Variants in FAM163A observed in about 807,000 individuals in gnomAD.
FAM163A encodes the protein protein FAM163A.
A neutral mutation model predicts 12.0 loss-of-function variants in FAM163A; 7 were observed. The ratio of observed to expected loss-of-function variants is 0.58; its 90% confidence interval spans 0.33 to 1.10. The LOEUF (loss-of-function observed/expected upper bound fraction) is 1.10, where lower values mean the gene tolerates loss of function less well. Among genes scored for constraint, FAM163A ranks in the 50% least tolerant of loss-of-function variants. The pLI is 0.03. For synonymous variants in FAM163A, 101 were observed against 91.0 expected (o/e 1.11, Z -0.62); for missense variants, 202 against 218.6 (o/e 0.92, Z 0.48).
At chr1:179,805,421 G>A (rs1693794137) in intron 1 of FAM163A, among the ~76,000 whole-genome samples, 1 of 152,088 alleles carries the variant, frequency 6.6e-6, no homozygotes, top group Non-Finnish European at 1.5e-5. Flanking sequence ...GAGAGGCTGA[G>A]GCATCCTGCC....
intron 1 of FAM163A, among the ~76,000 whole-genome samples, chr1:179,781,723 C>T (rs1384324208): frequency 6.6e-6 from 1 of 152,054 alleles, no homozygotes. Context: ...ATCACTAGTT[C>T]AGGAGTTCAA....
At chr1:179,769,643 C>T (rs919401400) in intron 1 of FAM163A, among the ~76,000 whole-genome samples, 2 of 152,136 alleles carry the variant, frequency 1.3e-5, no homozygotes, top group South Asian at 2.1e-4. Flanking sequence ...CTGCAGGCTG[C>T]GGGAACGGCA....
chr1:179,811,615 G>A (rs1156540264), intron 2 of FAM163A, among the ~76,000 whole-genome samples: 2 of 152,222 alleles, frequency 1.3e-5, no homozygotes. Context: ...ACACTGCCGG[G>A]CAGGTGCAGC....
intron 4 of FAM163A, 101 bp from the exon 5 acceptor site, chr1:179,813,678 T>C: frequency 1.5e-6 from 2 of 1,375,530 alleles, no homozygotes; most frequent in South Asian, 1.3e-5. Context: ...GGCACTAGGT[T>C]CTCCATGGAG....
At chr1:179,751,568 G>A (rs546534101) in intron 1 of FAM163A, among the ~76,000 whole-genome samples, 11 of 152,296 alleles carry the variant, frequency 7.2e-5, no homozygotes, top group South Asian at 2.1e-4. Flanking sequence ...GAGGCTGCAC[G>A]TATAAATAAG....
chr1:179,770,047 A>T lies in FAM163A; in HGVS notation c.-136+26624A>T, dbSNP rs187699230. On this transcript the variant is annotated intron_variant, in intron 1 of 4. Coordinates refer to ENST00000341785, the MANE Select transcript of FAM163A (RefSeq NM_173509.3). ...CATCCTCCCGAGTAGCTGGGACTAC[A>T]GGCGCCTGCCACCACGCCTGGCTAC... 1.2e-4 allele frequency among the ~76,000 whole-genome samples: 18 copies of T among 151,646 alleles called. No individual in the cohort carries two copies. The East Asian group carries it at 2.1e-3, about 18-fold the overall frequency.
intron 1 of FAM163A, among the ~76,000 whole-genome samples, chr1:179,805,665 C>T (rs1013988723): frequency 3.3e-5 from 5 of 152,156 alleles, no homozygotes; most frequent in Admixed American, 1.3e-4. Context: ...TGAGGTGGGC[C>T]CCCACACGTC....
At chr1:179,745,298 G>T (rs957055547) in intron 1 of FAM163A, among the ~76,000 whole-genome samples, 6 of 152,214 alleles carry the variant, frequency 3.9e-5, no homozygotes, top group Non-Finnish European at 7.3e-5. Context: ...GGCTCGTGCA[G>T]ATGAGAGCAG....
chr1:179,738,932 C>T (rs1198083812), upstream of FAM163A, among the ~76,000 whole-genome samples: 2 of 152,090 alleles, frequency 1.3e-5, no homozygotes, highest in African/African-American at 2.4e-5. Flanking sequence ...TATATAGCTT[C>T]AGTAATCAAG....
chr1:179,794,243 T>C (rs1310202492), intron 1 of FAM163A, among the ~76,000 whole-genome samples: 1 of 152,220 alleles, frequency 6.6e-6, no homozygotes, highest in Non-Finnish European at 1.5e-5. Context: ...CAACTGGTTC[T>C]TACCACCAAA....
Position 179,814,423 on chromosome 1 carries a change from G to T in FAM163A, c.*234G>T. The T allele has an allele frequency of 1.8e-6, 1 of 546,060 alleles. No homozygotes were observed. The allele number at this position is 546,060 out of a possible 1,614,324, so 33.8% of individuals were successfully genotyped here. ...GGGGGACTGCTAGGTCGAGTCTGCA[G>T]CTTCGCCAGTTTCTTGGTTGGGACA... On this transcript the variant is annotated 3_prime_UTR_variant, in exon 5 of 5. Coordinates refer to ENST00000341785, the MANE Select transcript of FAM163A (RefSeq NM_173509.3).
chr1:179,774,843 G>A (rs910553940), intron 1 of FAM163A, among the ~76,000 whole-genome samples: 3 of 152,122 alleles, frequency 2.0e-5, no homozygotes, highest in African/African-American at 7.2e-5. Context: ...ATCTCTCAAG[G>A]CTAGGGAGAG....
the FAM163A span, among the ~76,000 whole-genome samples, chr1:179,732,576 G>A: frequency 6.6e-6 from 1 of 152,092 alleles, no homozygotes; most frequent in African/African-American, 2.4e-5. Context: ...GAGAGCAGCT[G>A]TGCTGGTTAT....
intron 1 of FAM163A, among the ~76,000 whole-genome samples, chr1:179,795,418 C>T (rs191328700): frequency 4.5e-4 from 69 of 152,314 alleles, no homozygotes; most frequent in African/African-American, 1.6e-3. Context: ...GCCATGAGGG[C>T]TGTGCCTTTG....
At chr1:179,771,325 C>A (rs1310814723) in intron 1 of FAM163A, among the ~76,000 whole-genome samples, 2 of 152,190 alleles carry the variant, frequency 1.3e-5, no homozygotes, top group Non-Finnish European at 2.9e-5. Flanking sequence ...TCTGTCCCGC[C>A]CACAGATGGT....
upstream of FAM163A, among the ~76,000 whole-genome samples, chr1:179,742,887 C>A (rs1218198290): frequency 3.3e-5 from 5 of 152,134 alleles, no homozygotes; most frequent in Non-Finnish European, 7.4e-5. Context: ...GGGCACAGTG[C>A]GGGCCGGAAA....
chr1:179,743,704 G>C (rs967859119), intron 1 of FAM163A, among the ~76,000 whole-genome samples: 3 of 152,244 alleles, frequency 2.0e-5, no homozygotes, highest in East Asian at 1.9e-4. Context: ...GGCGACTCGG[G>C]GGCATCTCCG....
chr1:179,806,314 C>G (rs1307081514), intron 1 of FAM163A, among the ~76,000 whole-genome samples: 1 of 152,246 alleles, frequency 6.6e-6, no homozygotes, highest in Non-Finnish European at 1.5e-5. Context: ...TCGCATTAAA[C>G]TCTACATCAC....
intron 1 of FAM163A, among the ~76,000 whole-genome samples, chr1:179,796,977 A>T (rs2148287203): frequency 6.6e-6 from 1 of 152,302 alleles, no homozygotes; most frequent in African/African-American, 2.4e-5. Flanking sequence ...CCTGTGTATG[A>T]CACGGGGGCT....
Sources: gnomAD v4.1 joint callset for allele counts (sites outside exome capture counted in the v4.1 genomes callset) on GRCh38, gnomAD v4.1.1 for gene constraint, MANE v1.5 for transcripts, NCBI Gene and HGNC (gene_info 2026-07-23, HGNC 2026-07-21) for gene names.